Variants in PLXNC1 observed in about 807,000 individuals in gnomAD.
PLXNC1 encodes the protein plexin C1.
In PLXNC1, 75 loss-of-function variants were observed where a neutral mutation model predicts 178.2. That is an observed-to-expected ratio of 0.42 (90% confidence interval 0.35 to 0.51). PLXNC1 has a LOEUF of 0.51. Ranked by LOEUF, PLXNC1 falls within the 20% of genes least tolerant of loss-of-function variation. The probability of loss-of-function intolerance (pLI) is 0.02; values close to 1 mark genes in which losing one functional copy is unlikely to be tolerated. For missense variants in PLXNC1, 1,503 were observed against 1,984.4 expected (o/e 0.76, Z 4.61); for synonymous variants, 790 against 779.9 (o/e 1.01, Z -0.22).
chr12:94,289,561 A>G (rs1967064719), intron 23 of PLXNC1, among the ~76,000 whole-genome samples: 1 of 152,150 alleles, frequency 6.6e-6, no homozygotes, highest in Admixed American at 6.5e-5. Flanking sequence ...TCACAGGACT[A>G]GGGGACGATT....
At chr12:94,159,807 G>A (rs953152077) in intron 1 of PLXNC1, among the ~76,000 whole-genome samples, 4 of 152,236 alleles carry the variant, frequency 2.6e-5, no homozygotes, top group Non-Finnish European at 4.4e-5. Context: ...GGCTCTTGCA[G>A]TAGTCCAGAC....
Position 94,301,033 on chromosome 12 carries a change from T to C in PLXNC1, c.4362T>C (p.Ser1454=), listed in dbSNP as rs114002291. 84 of 1,613,860 alleles carry C rather than the reference T, an allele frequency of 5.2e-5. No homozygotes were observed. In the East Asian group the frequency reaches 6.7e-4, roughly 13 times the overall value. ...CCCAGGCATTCATGGATGCATTTTC[T>C]CTCACAGAGCAGCAACTAGGGAAGG... ...VIAQAFMDAF[S]LTEQQLGKEA... The change falls in exon 28 of 31, where the codon TCT becomes TCC. Residue 1454 remains serine, a synonymous_variant. Coordinates refer to ENST00000258526, the MANE Select transcript of PLXNC1 (RefSeq NM_005761.3).
intron 5 of PLXNC1, among the ~76,000 whole-genome samples, chr12:94,210,175 C>T (rs1963425949): frequency 6.6e-6 from 1 of 152,186 alleles, no homozygotes; most frequent in African/African-American, 2.4e-5. Context: ...TAGCTTCCAA[C>T]AGTCTTGGTA....
At chr12:94,228,169 G>T (rs1434355449) in intron 9 of PLXNC1, among the ~76,000 whole-genome samples, 1 of 152,214 alleles carries the variant, frequency 6.6e-6, no homozygotes, top group African/African-American at 2.4e-5. Context: ...CAGGCAGAGG[G>T]AATATGAATC....
chr12:94,255,071 C>A, intron 16 of PLXNC1, 122 bp from the exon 17 acceptor site: 1 of 933,190 alleles, frequency 1.1e-6, no homozygotes, highest in South Asian at 1.5e-5. Context: ...CCAACCAAGT[C>A]ATTATCTATT....
chr12:94,277,441 C>T (rs1192108020), intron 21 of PLXNC1, among the ~76,000 whole-genome samples: 1 of 152,190 alleles, frequency 6.6e-6, no homozygotes, highest in African/African-American at 2.4e-5. Context: ...CCCACATCCA[C>T]GTCAGTGGTC....
chr12:94,257,861 A>T (rs1344251356), intron 17 of PLXNC1, among the ~76,000 whole-genome samples: 1 of 151,504 alleles, frequency 6.6e-6, no homozygotes, highest in African/African-American at 2.4e-5. Flanking sequence ...GAGCCGAGAT[A>T]GCGCCACACT....
chr12:94,268,715 C>G (rs1213482864), intron 21 of PLXNC1, among the ~76,000 whole-genome samples: 1 of 150,964 alleles, frequency 6.6e-6, no homozygotes, highest in African/African-American at 2.4e-5. Flanking sequence ...CTGCCTCAGC[C>G]TCCCAAATAC....
chr12:94,176,376 C>T (rs893294573), intron 2 of PLXNC1: 1 of 152,202 alleles, frequency 6.6e-6, no homozygotes, highest in Admixed American at 6.5e-5. Flanking sequence ...GATATGAACA[C>T]TGACCTGTCC....
intron 21 of PLXNC1, chr12:94,272,096 G>A (rs1264814261): frequency 1.3e-5 from 2 of 152,096 alleles, no homozygotes; most frequent in African/African-American, 2.4e-5. Flanking sequence ...CCCTCTTCCC[G>A]GGCCTTCTGG....
chr12:94,257,316 G>A (rs987677786), intron 17 of PLXNC1, among the ~76,000 whole-genome samples: 3 of 152,172 alleles, frequency 2.0e-5, no homozygotes, highest in Admixed American at 2.0e-4. Flanking sequence ...AGGAGGCCAG[G>A]GTTCTTTGCT....
chr12:94,261,207 C>G (rs1274109332), intron 20 of PLXNC1, among the ~76,000 whole-genome samples: 1 of 152,172 alleles, frequency 6.6e-6, no homozygotes, highest in African/African-American at 2.4e-5. Context: ...TGTAGAAATA[C>G]CCGTTGCCTA....
Position 94,247,930 on chromosome 12 carries a change from T to G in PLXNC1, c.2416T>G (p.Cys806Gly). 6.2e-7 allele frequency: 1 copy of G among 1,614,144 alleles called. No individual in the cohort carries two copies. ...CTCTGAATATTGTGTGGCGACTTAC[T>G]GCGGGTTTTTAGCCCCCAGTTTAAA... The part of the protein sequence containing the change: ...NVSEYCVATY[C>G]GFLAPSLKSS... Residue 806 changes from cysteine to glycine, a missense_variant, in exon 13 of 31, where the codon TGC becomes GGC. This residue lies in a region of PLXNC1 where 639 missense variants were observed against 979.7 expected (regional missense o/e 0.65). Transcript: ENST00000258526.
At chr12:94,266,234 G>A (rs550770198) in intron 21 of PLXNC1, among the ~76,000 whole-genome samples, 100 of 152,316 alleles carry the variant, frequency 6.6e-4, no homozygotes, top group Middle Eastern at 3.4e-3. Flanking sequence ...CCTCTGGTGG[G>A]AGAATAGTCC....
intron 21 of PLXNC1, chr12:94,277,003 C>G (rs569621356): frequency 1.3e-5 from 2 of 152,130 alleles, no homozygotes; most frequent in Non-Finnish European, 2.9e-5. Flanking sequence ...TTTACTCTTG[C>G]GTAATTATCA....
At chr12:94,277,922 C>T in intron 21 of PLXNC1, 1 of 455,980 alleles carries the variant, frequency 2.2e-6, no homozygotes, top group Non-Finnish European at 4.4e-6. Flanking sequence ...CTGAGGGTTC[C>T]CATCTTCCAT....
chr12:94,177,130 TATATATATGTGTGTG>T (rs1962090156), intron 2 of PLXNC1, among the ~76,000 whole-genome samples: 1 of 73,894 alleles, frequency 1.4e-5, no homozygotes, highest in Admixed American at 1.3e-4. Context: ...TGTGTGTGTG[TATATATATGTGTGTG>T]TGTGTATATA....
intron 2 of PLXNC1, among the ~76,000 whole-genome samples, chr12:94,173,008 C>T (rs1449576791): frequency 6.6e-6 from 1 of 152,090 alleles, no homozygotes; most frequent in Non-Finnish European, 1.5e-5. Flanking sequence ...TTTATTTTAT[C>T]GGTGTACCGT....
rs1285053281 is a variant in PLXNC1 at position 94,149,233 on chromosome 12, A to G, written c.262A>G (p.Thr88Ala). ...RLYRDQAGNCTEPVSLAPPAR... is the reference protein window; with the variant it reads ...RLYRDQAGNCAEPVSLAPPAR... ...GTACCGGGACCAAGCGGGCAACTGC[A>G]CAGAGCCGGTCTCGCTGGCGCCCCC... The change falls in exon 1 of 31, where the codon ACA becomes GCA. Residue 88 changes from threonine (T) to alanine (A), a missense_variant. By Grantham distance (58) the Thr-to-Ala change is moderately conservative. Around this residue, in one of 4 missense-constraint regions of PLXNC1, gnomAD observed 176 missense variants for 180.7 expected, o/e 0.97. Transcript: ENST00000258526. 1.9e-6 allele frequency: 3 copies of G among 1,573,204 alleles called. No individual in the cohort carries two copies. The highest frequency in any genetic ancestry group is 2.6e-6 in the Non-Finnish European group (3 of 1,165,666).
Sources: gnomAD v4.1 joint callset for allele counts (sites outside exome capture counted in the v4.1 genomes callset) on GRCh38, gnomAD v4.1.1 for gene constraint, gnomAD v4.1.1 regional missense constraint, MANE v1.5 for transcripts, NCBI Gene and HGNC (gene_info 2026-07-23, HGNC 2026-07-21) for gene names.